The following KIAA1217 variants were observed in gnomAD, a reference collection of about 807,000 sequenced individuals.
KIAA1217 encodes the protein sickle tail protein homolog.
In KIAA1217, 88 loss-of-function variants were observed where a neutral mutation model predicts 163.9. That is an observed-to-expected ratio of 0.54 (90% CI 0.45 to 0.64). KIAA1217 has a LOEUF of 0.64. Ranked by LOEUF, KIAA1217 falls within the 30% of genes least tolerant of loss-of-function variation. KIAA1217 has a pLI of 0.00. For missense variants in KIAA1217, 2,372 were observed against 2,475.0 expected (o/e 0.96, Z 0.88); for synonymous variants, 903 against 923.1 (o/e 0.98, Z 0.39).
At chr10:23,961,632 A>C (rs1157614248) in intron 1 of KIAA1217, among the ~76,000 whole-genome samples, 1 of 152,252 alleles carries the variant, frequency 6.6e-6, no homozygotes, top group East Asian at 1.9e-4. Context: ...TAAATCAAAC[A>C]GATCCAATTA....
At chr10:24,391,039 T>A (rs2054849315) in intron 3 of KIAA1217, among the ~76,000 whole-genome samples, 2 of 152,208 alleles carry the variant, frequency 1.3e-5, no homozygotes, top group Admixed American at 6.5e-5. Flanking sequence ...GGGTTGAAAC[T>A]CTAGAAGAGA....
chr10:24,198,584 A>G (rs7073393), intron 2 of KIAA1217, among the ~76,000 whole-genome samples: 77,375 of 133,840 alleles, frequency 0.58, 20,925 homozygotes, highest in Middle Eastern at 0.67. Context: ...TCTTATCTCG[A>G]AAAAAAAAAA....
chr10:24,526,391 T>C (rs2072186970), intron 13 of KIAA1217, among the ~76,000 whole-genome samples: 1 of 152,112 alleles, frequency 6.6e-6, no homozygotes, highest in Non-Finnish European at 1.5e-5. Flanking sequence ...CAGTACCTAG[T>C]AGGGCAGGGG....
chr10:24,098,824 A>G (rs2062272798), intron 2 of KIAA1217, among the ~76,000 whole-genome samples: 1 of 151,972 alleles, frequency 6.6e-6, no homozygotes, highest in Non-Finnish European at 1.5e-5. Context: ...CTCTGAAAAA[A>G]AAAGTTTTCA....
intron 2 of KIAA1217, among the ~76,000 whole-genome samples, chr10:24,239,615 G>A (rs1285217604): frequency 1.3e-5 from 2 of 151,544 alleles, no homozygotes; most frequent in Non-Finnish European, 2.9e-5. Context: ...CCACAGATAA[G>A]GGTTAGATGG....
chr10:24,250,655 T>A (rs185494654), intron 2 of KIAA1217, among the ~76,000 whole-genome samples: 280 of 526 alleles, frequency 0.53, 20 homozygotes, highest in African/African-American at 0.54. Flanking sequence ...ATGGCCAAGC[T>A]GGTCTCAAAC....
intron 1 of KIAA1217, among the ~76,000 whole-genome samples, chr10:23,936,439 C>A (rs1843529321): frequency 6.6e-6 from 1 of 152,158 alleles, no homozygotes; most frequent in South Asian, 2.1e-4. Context: ...TGCGCTCTTG[C>A]AAATGTAATT....
At chr10:23,837,959 G>C (rs7916384) in intron 1 of KIAA1217, among the ~76,000 whole-genome samples, 57,606 of 152,020 alleles carry the variant, frequency 0.38, 15,422 homozygotes, top group African/African-American at 0.76. Flanking sequence ...TGCTTAGCCT[G>C]CATGACCCAT....
rs555654874 is a variant in KIAA1217, at chr10:23,862,627, C to G, written c.-320-144598C>G. ...GAAAACAGTAATAAAAATTAGTAGA[C>G]AAGAAGTTCAGGTTGTAAAGATCCA... On this transcript the variant is annotated intron_variant, in intron 1 of 18. Transcript: ENST00000376462. Among the ~76,000 whole-genome samples, 32 of 152,082 alleles carry G rather than the reference C, an allele frequency of 2.1e-4. No individual in the cohort carries two copies. The South Asian group carries it at 6.4e-3, about 31-fold the overall frequency.
At chr10:24,163,467 A>G (rs2065209764) in intron 2 of KIAA1217, among the ~76,000 whole-genome samples, 1 of 152,210 alleles carries the variant, frequency 6.6e-6, no homozygotes, top group Non-Finnish European at 1.5e-5. Context: ...TATGAAGGTG[A>G]TTTTGTTTTA....
chr10:23,824,179 G>A (rs1294492916), intron 1 of KIAA1217, among the ~76,000 whole-genome samples: 1 of 152,014 alleles, frequency 6.6e-6, no homozygotes, highest in Non-Finnish European at 1.5e-5. Flanking sequence ...AGGCTGAAGT[G>A]GGAGGATCAC....
intron 10 of KIAA1217, 75 bp downstream of exon 10, chr10:24,513,509 TC>T: frequency 6.9e-7 from 1 of 1,446,712 alleles, no homozygotes; most frequent in Non-Finnish European, 9.5e-7. Flanking sequence ...AGGAGGTCCT[TC>T]CCAGTTGGTG....
chr10:24,542,428 T>G (rs1321824806), intron 17 of KIAA1217: 1 of 1,020,990 alleles, frequency 9.8e-7, no homozygotes, highest in Non-Finnish European at 1.3e-6. Context: ...GTCCCTTTAT[T>G]TTCTTCACCA....
At chr10:23,912,357 T>C (rs988342627) in intron 1 of KIAA1217, among the ~76,000 whole-genome samples, 1 of 151,872 alleles carries the variant, frequency 6.6e-6, no homozygotes, top group Admixed American at 6.6e-5. Context: ...CTTTTTTTTT[T>C]TGGTTTGGGG....
At chr10:23,863,578 T>A (rs10828560) in intron 1 of KIAA1217, among the ~76,000 whole-genome samples, 35,561 of 152,084 alleles carry the variant, frequency 0.23, 4,551 homozygotes, top group African/African-American at 0.33. Context: ...TCCTCACCAG[T>A]CACCAGGTGC....
intron 3 of KIAA1217, among the ~76,000 whole-genome samples, chr10:24,381,863 A>G (rs2053349853): frequency 6.6e-6 from 1 of 152,212 alleles, no homozygotes; most frequent in Non-Finnish European, 1.5e-5. Context: ...AAAAGGGACA[A>G]TGTGGCTAAC....
chr10:23,864,522 C>CG (rs2131143418), intron 1 of KIAA1217, among the ~76,000 whole-genome samples: 1 of 39,992 alleles, frequency 2.5e-5, no homozygotes, highest in South Asian at 1.2e-3. Flanking sequence ...GTACACACAC[C>CG]AACACACACA....
chr10:23,990,806 T>G (rs1846186900), intron 1 of KIAA1217, among the ~76,000 whole-genome samples: 1 of 152,160 alleles, frequency 6.6e-6, no homozygotes, highest in Non-Finnish European at 1.5e-5. Flanking sequence ...AAAAATAACT[T>G]GACTTACTGT....
intron 9 of KIAA1217, among the ~76,000 whole-genome samples, chr10:24,509,417 A>G (rs1056053364): frequency 6.6e-6 from 1 of 152,206 alleles, no homozygotes; most frequent in African/African-American, 2.4e-5. Flanking sequence ...CGCTTTCTAG[A>G]CAGGAGGATA....
Sources: gnomAD v4.1 joint callset for allele counts (sites outside exome capture counted in the v4.1 genomes callset) on GRCh38, gnomAD v4.1.1 for gene constraint, MANE v1.5 for transcripts, NCBI Gene and HGNC (gene_info 2026-07-23, HGNC 2026-07-21) for gene names.